The following SLIT3 variants were observed in gnomAD, a reference collection of about 807,000 sequenced individuals.
SLIT3 encodes the protein slit homolog 3 protein.
SLIT3 carries 68 observed loss-of-function variants against 184.0 expected under a neutral mutation model. The ratio of observed to expected loss-of-function variants is 0.37; its 90% CI spans 0.30 to 0.45. The LOEUF (loss-of-function observed/expected upper bound fraction) is 0.45, where lower values mean the gene tolerates loss of function less well. Among genes scored for constraint, SLIT3 ranks in the 20% least tolerant of loss-of-function variants. The pLI is 1.00. For synonymous variants in SLIT3, 831 were observed against 828.6 expected, an observed-to-expected ratio of 1.00 and a Z score of -0.05; for missense variants, 1,707 against 2,026.0, an observed-to-expected ratio of 0.84 and a Z score of 3.02.
At chr5:168,892,079 C>T (rs1043589904) in intron 4 of SLIT3, among the ~76,000 whole-genome samples, 3 of 152,042 alleles carry the variant, frequency 2.0e-5, no homozygotes, top group East Asian at 3.9e-4. Flanking sequence ...TCTAGAATGG[C>T]GCTGTCCCAC....
At chr5:169,254,612 G>A (rs1489616280) in intron 1 of SLIT3, among the ~76,000 whole-genome samples, 1 of 152,202 alleles carries the variant, frequency 6.6e-6, no homozygotes, top group East Asian at 1.9e-4. Flanking sequence ...GAGCTTCTGA[G>A]GCTAGCTTAG....
intron 4 of SLIT3, among the ~76,000 whole-genome samples, chr5:168,961,919 G>T (rs996953437): frequency 6.6e-6 from 1 of 152,046 alleles, no homozygotes; most frequent in Non-Finnish European, 1.5e-5. Flanking sequence ...TCAAAGCTGT[G>T]CTTTGAAAAG....
In SLIT3 at chr5:169,092,312, G is replaced by A. The variant is rs865896411; in HGVS notation, c.413+101167C>T. On this transcript the variant is annotated intron_variant, in intron 4 of 35. Coordinates refer to ENST00000519560, the MANE Select transcript of SLIT3 (RefSeq NM_003062.4). Reference sequence around the variant, plus strand: ...AGGAGAGGAGCTGTGGCCATTGCTAGGGACCAAGGATGGTGAGTAAATGGC... The same window carrying A: ...AGGAGAGGAGCTGTGGCCATTGCTAAGGACCAAGGATGGTGAGTAAATGGC... Among the ~76,000 whole-genome samples, 4 of 152,212 alleles carry A rather than the reference G, an allele frequency of 2.6e-5. No homozygotes were observed. In the South Asian group the frequency reaches 6.2e-4, roughly 24 times the overall value.
chr5:169,087,429 G>T (rs1472214274), intron 4 of SLIT3, among the ~76,000 whole-genome samples: 1 of 152,196 alleles, frequency 6.6e-6, no homozygotes, highest in Non-Finnish European at 1.5e-5. Context: ...GGGATGTGAG[G>T]CAGTGCTTTC....
chr5:169,185,613 G>A (rs1401229901), intron 4 of SLIT3, among the ~76,000 whole-genome samples: 1 of 152,120 alleles, frequency 6.6e-6, no homozygotes, highest in Non-Finnish European at 1.5e-5. Flanking sequence ...GTTTTATAGG[G>A]ACACATTTTG....
At chr5:168,683,369 C>CAAAAAA (rs59868617) in intron 32 of SLIT3, among the ~76,000 whole-genome samples, 210 of 104,798 alleles carry the variant, frequency 2.0e-3, no homozygotes, top group African/African-American at 6.4e-3. Flanking sequence ...AACTCCATCT[C>CAAAAAA]AAAAAAAAAA....
chr5:169,039,324 T>G (rs1458525629), intron 4 of SLIT3, among the ~76,000 whole-genome samples: 116 of 151,002 alleles, frequency 7.7e-4, no homozygotes, highest in Middle Eastern at 3.4e-3. Context: ...TGTGTTTTTT[T>G]TTTTTTTTTT....
chr5:169,217,381 A>T (rs1457063609), intron 3 of SLIT3, among the ~76,000 whole-genome samples: 1 of 152,184 alleles, frequency 6.6e-6, no homozygotes, highest in Admixed American at 6.5e-5. Context: ...CCTAGGTCCC[A>T]GGAGCTCACA....
chr5:169,069,715 G>A (rs1758475830), intron 4 of SLIT3, among the ~76,000 whole-genome samples: 1 of 152,128 alleles, frequency 6.6e-6, no homozygotes, highest in South Asian at 2.1e-4. Flanking sequence ...TATGAGGAGA[G>A]GAAGTAGGGG....
intron 23 of SLIT3, among the ~76,000 whole-genome samples, chr5:168,715,959 A>T (rs1762712945): frequency 6.6e-6 from 1 of 151,812 alleles, no homozygotes; most frequent in South Asian, 2.1e-4. Context: ...GGCATGAGCC[A>T]CTGCGCCCAG....
At chr5:168,758,453 C>G (rs921595384) in intron 16 of SLIT3, among the ~76,000 whole-genome samples, 1 of 152,180 alleles carries the variant, frequency 6.6e-6, no homozygotes, top group Non-Finnish European at 1.5e-5. Context: ...AAGTTTCTGT[C>G]TTCAGGTTAA....
chr5:168,914,944 G>T (rs931678416), intron 4 of SLIT3, among the ~76,000 whole-genome samples: 1 of 152,076 alleles, frequency 6.6e-6, no homozygotes, highest in Non-Finnish European at 1.5e-5. Flanking sequence ...TTTTTTAAAT[G>T]CTAGAAACTA....
At chr5:169,098,924 G>T (rs547551192) in intron 4 of SLIT3, among the ~76,000 whole-genome samples, 3 of 152,024 alleles carry the variant, frequency 2.0e-5, no homozygotes, top group African/African-American at 7.3e-5. Flanking sequence ...ACACACCTGG[G>T]CCGGCAGAAA....
chr5:168,719,520 C>T (rs143131494), intron 23 of SLIT3, among the ~76,000 whole-genome samples: 22 of 152,282 alleles, frequency 1.4e-4, no homozygotes, highest in African/African-American at 4.1e-4. Context: ...CTCCATGTAA[C>T]GCTATGTGAT....
intron 23 of SLIT3, among the ~76,000 whole-genome samples, chr5:168,714,114 A>G (rs1762643935): frequency 6.6e-6 from 1 of 152,234 alleles, no homozygotes. Flanking sequence ...GATGGCAAAC[A>G]GCCATCTAGA....
intron 5 of SLIT3, among the ~76,000 whole-genome samples, chr5:168,845,680 G>T (rs973175515): frequency 2.0e-5 from 3 of 151,588 alleles, no homozygotes; most frequent in Admixed American, 2.0e-4. Flanking sequence ...TATCAACCAT[G>T]ATCACACCCC....
chr5:169,192,922 C>T (rs1003059920), intron 4 of SLIT3, among the ~76,000 whole-genome samples: 2 of 152,230 alleles, frequency 1.3e-5, no homozygotes, highest in Non-Finnish European at 2.9e-5. Context: ...TCTCCCCTCT[C>T]CTCATTTTAC....
intron 4 of SLIT3, among the ~76,000 whole-genome samples, chr5:168,922,280 AC>A: frequency 6.6e-6 from 1 of 151,934 alleles, no homozygotes; most frequent in Non-Finnish European, 1.5e-5. Flanking sequence ...ACATGGTGAA[AC>A]CCTGTCTCTC....
chr5:169,220,007 T>C (rs768238943), intron 3 of SLIT3, among the ~76,000 whole-genome samples: 7 of 152,170 alleles, frequency 4.6e-5, no homozygotes, highest in Non-Finnish European at 8.8e-5. Context: ...TCACGTCTGC[T>C]CACTCACACA....
Sources: allele counts gnomAD v4.1 joint callset (sites outside exome capture counted in the v4.1 genomes callset), GRCh38; gene constraint gnomAD v4.1.1; transcripts MANE v1.5; gene names NCBI Gene and HGNC (gene_info 2026-07-23, HGNC 2026-07-21).